FGGY: variants seen among roughly 807,000 people sequenced by gnomAD.
FGGY encodes FGGY carbohydrate kinase domain-containing protein.
FGGY carries 72 observed loss-of-function variants against 71.3 expected under a neutral mutation model. The observed-to-expected ratio is 1.01, with a 90% CI of 0.84 to 1.23. The LOEUF is 1.23. Ranked by LOEUF, FGGY falls within the 50% of genes most tolerant of loss-of-function variation. The pLI is 0.00. For missense variants in FGGY, 668 were observed against 682.3 expected (o/e 0.98, Z 0.23); for synonymous variants, 251 against 250.3 (o/e 1.00, Z -0.02).
chr1:59,622,160 T>C (rs4912216), intron 9 of FGGY, among the ~76,000 whole-genome samples: 151,847 of 152,156 alleles, frequency 1, 75,769 homozygotes, highest in Middle Eastern at 1. Flanking sequence ...ATTACATTTG[T>C]ATTTTAATAG....
chr1:59,497,893 C>G (rs1400673040), intron 6 of FGGY, among the ~76,000 whole-genome samples: 3 of 146,120 alleles, frequency 2.1e-5, no homozygotes, highest in Non-Finnish European at 4.5e-5. Context: ...CCCCATTTTT[C>G]CGTACGCAGT....
chr1:59,754,545 T>C (rs1323523994), intron 14 of FGGY, among the ~76,000 whole-genome samples: 1 of 152,154 alleles, frequency 6.6e-6, no homozygotes, highest in Non-Finnish European at 1.5e-5. Context: ...TGCCTCACCC[T>C]CCCCGTGGGA....
intron 14 of FGGY, among the ~76,000 whole-genome samples, chr1:59,722,017 C>T (rs78122300): frequency 0.016 from 2,476 of 152,288 alleles, 70 homozygotes; most frequent in African/African-American, 0.056. Context: ...TACCTAACAT[C>T]CCTTTTCTAT....
intron 14 of FGGY, among the ~76,000 whole-genome samples, chr1:59,720,973 C>G (rs1030782819): frequency 1.3e-5 from 2 of 152,204 alleles, no homozygotes; most frequent in Non-Finnish European, 2.9e-5. Flanking sequence ...ACTTCCAACT[C>G]AGGGCTTTCA....
intron 8 of FGGY, among the ~76,000 whole-genome samples, chr1:59,570,968 A>G (rs530536197): frequency 1.3e-5 from 2 of 152,266 alleles, no homozygotes; most frequent in South Asian, 4.1e-4. Context: ...CCCTGCCATG[A>G]TATTTGAAGC....
At chr1:59,324,750 A>T (rs1210198182) in intron 2 of FGGY, among the ~76,000 whole-genome samples, 1 of 152,010 alleles carries the variant, frequency 6.6e-6, no homozygotes, top group Non-Finnish European at 1.5e-5. Context: ...CTCCAGCCAT[A>T]TCTCCCTCCA....
intron 14 of FGGY, among the ~76,000 whole-genome samples, chr1:59,683,709 G>A (rs2097523595): frequency 6.6e-6 from 1 of 152,198 alleles, no homozygotes; most frequent in South Asian, 2.1e-4. Flanking sequence ...GGCAAAACAA[G>A]AGAAGGAAAT....
At chr1:59,504,459 G>C (rs892254187) in intron 6 of FGGY, among the ~76,000 whole-genome samples, 3 of 152,124 alleles carry the variant, frequency 2.0e-5, no homozygotes, top group African/African-American at 7.2e-5. Flanking sequence ...TGTGAGATCT[G>C]ATGCAATCTC....
intron 6 of FGGY, among the ~76,000 whole-genome samples, chr1:59,475,121 A>C (rs1481825272): frequency 6.6e-6 from 1 of 152,230 alleles, no homozygotes; most frequent in Non-Finnish European, 1.5e-5. Flanking sequence ...ATTATTGCCA[A>C]CTTCTAGATT....
At chr1:59,372,139 G>T (rs1185345748) in intron 4 of FGGY, among the ~76,000 whole-genome samples, 2 of 151,912 alleles carry the variant, frequency 1.3e-5, no homozygotes, top group Admixed American at 6.6e-5. Flanking sequence ...TTTTTTGAAA[G>T]GATCAACAAA....
chr1:59,321,685 C>G lies in FGGY; in HGVS notation c.136C>G (p.Pro46Ala). The G allele has an allele frequency of 6.2e-7, 1 of 1,612,922 alleles. No homozygotes were observed. Among genetic ancestry groups the G allele is most frequent in the Non-Finnish European group, 8.5e-7 (1 of 1,179,464 alleles). Residue 46 changes from proline to alanine, a missense_variant, in exon 2 of 16, where the codon CCC (proline) becomes GCC (alanine). Coordinates refer to ENST00000303721, the MANE Select transcript of FGGY (RefSeq NM_018291.5). ...FADQPIKNWE[P>A]QFNHHEQSSE... ...AGACCAGCCAATTAAGAATTGGGAG[C>G]CCCAGTTCAACCACCATGAGCAGTC...
intron 13 of FGGY, among the ~76,000 whole-genome samples, chr1:59,672,361 A>T (rs946426704): frequency 2.0e-5 from 3 of 152,238 alleles, no homozygotes; most frequent in African/African-American, 7.2e-5. Flanking sequence ...GCTAAGCACC[A>T]AGTGTGTGCC....
At chr1:59,429,376 C>T (rs1372721430) in intron 5 of FGGY, among the ~76,000 whole-genome samples, 1 of 151,934 alleles carries the variant, frequency 6.6e-6, no homozygotes, top group Admixed American at 6.6e-5. Flanking sequence ...AAAGAGTTTT[C>T]CCTCTTGATT....
chr1:59,313,291 T>A (rs1424948556), intron 1 of FGGY, among the ~76,000 whole-genome samples: 1 of 152,106 alleles, frequency 6.6e-6, no homozygotes, highest in Non-Finnish European at 1.5e-5. Context: ...ACACATACAT[T>A]TTTGGAGGAC....
chr1:59,391,321 G>A (rs969239054), intron 5 of FGGY, among the ~76,000 whole-genome samples: 1 of 152,152 alleles, frequency 6.6e-6, no homozygotes, highest in Non-Finnish European at 1.5e-5. Context: ...AGAGGATGAA[G>A]CATGCTGGGT....
intron 14 of FGGY, among the ~76,000 whole-genome samples, chr1:59,678,118 C>A (rs1036054898): frequency 6.6e-6 from 1 of 152,202 alleles, no homozygotes; most frequent in African/African-American, 2.4e-5. Context: ...GAAGGCAAAT[C>A]ATGATCAGCT....
At chr1:59,493,756 TG>T (rs1269339850) in intron 6 of FGGY, among the ~76,000 whole-genome samples, 7 of 152,230 alleles carry the variant, frequency 4.6e-5, no homozygotes, top group African/African-American at 1.7e-4. Flanking sequence ...TTAATACAAC[TG>T]AATTGTATGC....
At chr1:59,682,959 C>T (rs1444515232) in intron 14 of FGGY, among the ~76,000 whole-genome samples, 1 of 152,140 alleles carries the variant, frequency 6.6e-6, no homozygotes, top group African/African-American at 2.4e-5. Flanking sequence ...ATGAAGGAAC[C>T]GGTGTGCTGG....
chr1:59,611,720 G>A (rs566593563), intron 9 of FGGY, among the ~76,000 whole-genome samples: 39 of 152,206 alleles, frequency 2.6e-4, no homozygotes, highest in African/African-American at 9.4e-4. Flanking sequence ...GAGGAAGTTC[G>A]AACCCATGGC....
Sources: allele counts gnomAD v4.1 joint callset (sites outside exome capture counted in the v4.1 genomes callset), GRCh38; gene constraint gnomAD v4.1.1; transcripts MANE v1.5; gene names NCBI Gene and HGNC (gene_info 2026-07-23, HGNC 2026-07-21).